The following BSN variants were observed in gnomAD, a reference collection of about 807,000 sequenced individuals.
BSN encodes bassoon presynaptic cytomatrix protein.
In BSN, 57 loss-of-function variants were observed where a neutral mutation model predicts 264.8. The ratio of observed to expected loss-of-function variants is 0.22; its 90% confidence interval spans 0.17 to 0.27. BSN has a LOEUF of 0.27. Ranked by LOEUF, BSN falls within the 10% of genes least tolerant of loss-of-function variation. The pLI is 1.00. For missense variants in BSN, 4,615 were observed against 5,232.5 expected (o/e 0.88, Z 3.64); for synonymous variants, 2,059 against 2,137.3 (o/e 0.96, Z 1.01).
intron 1 of BSN, among the ~76,000 whole-genome samples, chr3:49,587,932 T>TTTTCTTTTCTTTTCTTTTCTTTTC (rs2051949331): frequency 2.4e-4 from 2 of 8,386 alleles, no homozygotes; most frequent in Admixed American, 2.4e-3. Flanking sequence ...CTTTTCTTTT[T>TTTTCTTTTCTTTTCTTTTCTTTTC]TTTTTTGAGA....
At chr3:49,644,611 A>G (rs1367744206) in intron 3 of BSN, among the ~76,000 whole-genome samples, 41 of 152,110 alleles carry the variant, frequency 2.7e-4, no homozygotes, top group Admixed American at 2.7e-3. Context: ...GGGGTGCACC[A>G]GGGTGTCACC....
chr3:49,568,197 C>T (rs1002370319), intron 1 of BSN, among the ~76,000 whole-genome samples: 5 of 152,140 alleles, frequency 3.3e-5, no homozygotes, highest in African/African-American at 1.2e-4. Context: ...CTTGCTGAGA[C>T]CATTTTTGGA....
chr3:49,587,835 T>C (rs1337182552), intron 1 of BSN, among the ~76,000 whole-genome samples: 1 of 152,052 alleles, frequency 6.6e-6, no homozygotes, highest in African/African-American at 2.4e-5. Context: ...TCATCTGCCA[T>C]GCAAAAGGAG....
chr3:49,608,567 C>T (rs112843883), intron 1 of BSN, among the ~76,000 whole-genome samples: 4,420 of 152,250 alleles, frequency 0.029, 107 homozygotes, highest in Non-Finnish European at 0.041. Flanking sequence ...TGGTGGCTCA[C>T]GCCTATAATC....
At chr3:49,592,974 G>A (rs903543574) in intron 1 of BSN, among the ~76,000 whole-genome samples, 1 of 152,124 alleles carries the variant, frequency 6.6e-6, no homozygotes, top group Non-Finnish European at 1.5e-5. Flanking sequence ...TATGACCACA[G>A]TCAAGATACT....
chr3:49,611,055 T>C (rs1174041199), intron 1 of BSN, among the ~76,000 whole-genome samples: 2 of 152,184 alleles, frequency 1.3e-5, no homozygotes, highest in Non-Finnish European at 2.9e-5. Flanking sequence ...CTCATCAGTA[T>C]TGGGTCTGAT....
rs765410583 is a variant in BSN, at chr3:49,651,637, A to G, written c.2081A>G (p.Gln694Arg). 3 of 1,614,028 alleles carry G rather than the reference A, an allele frequency of 1.9e-6. No homozygotes were observed. The highest frequency in any genetic ancestry group is 4.5e-5 in the East Asian group (2 of 44,896). Residue 694 changes from glutamine to arginine, a missense_variant, in exon 5 of 12, where the codon CAG (glutamine) becomes CGG (arginine). Gln to Arg is a conservative substitution (Grantham distance 43). This residue lies in a region of BSN where 1,197 missense variants were observed against 1,348.0 expected (regional missense o/e 0.89). Transcript: ENST00000296452. This position sits in a 1 kb window ranked among gnomAD's most constrained non-coding sequence, Gnocchi z 5.4. ...GYSSDGISSS[Q>R]SEITGVVQQE... Reference sequence around the variant, plus strand: ...TCCTCTGACGGCATCTCTAGCTCCCAGAGTGAGATCACAGGAGTCGTGCAG... The same window carrying G: ...TCCTCTGACGGCATCTCTAGCTCCCGGAGTGAGATCACAGGAGTCGTGCAG...
rs1379914958 is a variant in BSN at position 49,585,117 on chromosome 3, C to T, written c.224+30291C>T. Among the ~76,000 whole-genome samples the T allele has an allele frequency of 6.6e-6, 1 of 152,084 alleles. No homozygotes were observed. The highest frequency in any genetic ancestry group is 1.5e-5 in the Non-Finnish European group (1 of 68,032). ...GACAAACTCAGGAGTGCAGATATCTCTTCAATATATTGATTTCCTTTCTTT... is the reference window on the plus strand; with the variant it reads ...GACAAACTCAGGAGTGCAGATATCTTTTCAATATATTGATTTCCTTTCTTT... On this transcript the variant is annotated intron_variant, in intron 1 of 11. Coordinates refer to ENST00000296452, the MANE Select transcript of BSN (RefSeq NM_003458.4). The surrounding 1 kb of genome is among the most constrained non-coding windows in gnomAD (Gnocchi z 4.7).
At chr3:49,621,512 A>G (rs937312353) in intron 1 of BSN, among the ~76,000 whole-genome samples, 1 of 152,190 alleles carries the variant, frequency 6.6e-6, no homozygotes, top group African/African-American at 2.4e-5. Flanking sequence ...TATTTCAGGA[A>G]GAAGGGAGTG....
chr3:49,655,226 C>T lies in BSN; in HGVS notation c.5670C>T (p.Thr1890=), dbSNP rs200205003. Reference sequence around the variant, plus strand: ...AGCCTGCGGGTGCCCTGGACCTTACCGGGATGAGGCCTGAGAGCCAGCTGG... The same window carrying T: ...AGCCTGCGGGTGCCCTGGACCTTACTGGGATGAGGCCTGAGAGCCAGCTGG... ...PEEPAGALDL[T]GMRPESQLAC... Residue 1890 remains threonine (T), a synonymous_variant, in exon 5 of 12, where the codon ACC becomes ACT. Coordinates refer to ENST00000296452, the MANE Select transcript of BSN (RefSeq NM_003458.4). The T allele has an allele frequency of 4.5e-5, 73 of 1,612,940 alleles. No individual in the cohort carries two copies. The highest frequency in any genetic ancestry group is 1.5e-4 in the South Asian group (14 of 91,090).
intron 1 of BSN, among the ~76,000 whole-genome samples, chr3:49,602,597 C>T (rs768819355): frequency 3.3e-5 from 5 of 152,050 alleles, no homozygotes; most frequent in Non-Finnish European, 7.4e-5. Flanking sequence ...AGGCACACAC[C>T]ACCACGCCCA....
chr3:49,619,226 A>C (rs947580846), intron 1 of BSN, among the ~76,000 whole-genome samples: 1 of 152,236 alleles, frequency 6.6e-6, no homozygotes, highest in Non-Finnish European at 1.5e-5. Flanking sequence ...AGCTCATTCT[A>C]CTGTTCACAC....
Position 49,590,564 on chromosome 3 carries a change from C to A in BSN, c.225-34411C>A, listed in dbSNP as rs74744006. Among the ~76,000 whole-genome samples the A allele has an allele frequency of 4.3e-3, 656 of 152,026 alleles. 7 individuals are homozygous for A. Among genetic ancestry groups the A allele is most frequent in the African/African-American group, 0.015 (623 of 41,482 alleles). ...TGCCTAGTGGTTGCTTTAGGGCTTA[C>A]AATACACATCTTAATTTATCACAAT... On this transcript the variant is annotated intron_variant, in intron 1 of 11. Transcript: ENST00000296452.
chr3:49,615,651 C>G (rs1559605998), intron 1 of BSN, among the ~76,000 whole-genome samples: 1 of 152,222 alleles, frequency 6.6e-6, no homozygotes, highest in Admixed American at 6.5e-5. Flanking sequence ...ATCACAGGCT[C>G]TTTCTGTGGC....
At chr3:49,603,872 A>G (rs927289278) in intron 1 of BSN, among the ~76,000 whole-genome samples, 1 of 151,892 alleles carries the variant, frequency 6.6e-6, no homozygotes, top group African/African-American at 2.4e-5. Flanking sequence ...TCTAACCACT[A>G]GTCTGCTTTC....
intron 2 of BSN, among the ~76,000 whole-genome samples, chr3:49,636,618 GTTCA>G (rs1285643379): frequency 6.6e-6 from 1 of 152,204 alleles, no homozygotes; most frequent in East Asian, 1.9e-4. Context: ...GTGCGATTAG[GTTCA>G]GCCTCCACTC....
chr3:49,587,548 T>C (rs1050731766), intron 1 of BSN, among the ~76,000 whole-genome samples: 10 of 152,176 alleles, frequency 6.6e-5, no homozygotes, highest in Admixed American at 2.6e-4. Context: ...AAGCATAGAT[T>C]TATTGAAATG....
At position 49,651,921 on chromosome 3, in the gene BSN, G is replaced by A. The variant is rs2052544595; in HGVS notation, c.2365G>A (p.Glu789Lys). The change falls in exon 5 of 12, where the codon GAG (glutamate) becomes AAG (lysine). Residue 789 changes from glutamate to lysine, a missense_variant. Around this residue, in one of 3 missense-constraint regions of BSN, gnomAD observed 1,197 missense variants for 1,348.0 expected, o/e 0.89. Transcript: ENST00000296452. This position sits in a 1 kb window ranked among gnomAD's most constrained non-coding sequence, Gnocchi z 5.4. Reference sequence around the variant, plus strand: ...CCTGGAGGAAGACGAAGACTCTGCTGAGTGGAGGCGCCGGAGAGAGCAGCA... The same window carrying A: ...CCTGGAGGAAGACGAAGACTCTGCTAAGTGGAGGCGCCGGAGAGAGCAGCA... The part of the protein sequence containing the change: ...DILEEDEDSA[E>K]WRRRREQQDT... The A allele has an allele frequency of 6.2e-7, 1 of 1,613,826 alleles. No homozygotes were observed. The highest frequency in any genetic ancestry group is 1.7e-5 in the Admixed American group (1 of 60,022).
chr3:49,566,788 G>GA (rs36043715), intron 1 of BSN, among the ~76,000 whole-genome samples: 175 of 85,982 alleles, frequency 2.0e-3, no homozygotes, highest in Middle Eastern at 8.3e-3. Flanking sequence ...TGTGTTTCAG[G>GA]AAAAAAAAAA....
Sources: gnomAD v4.1 joint callset for allele counts (sites outside exome capture counted in the v4.1 genomes callset) on GRCh38, gnomAD v4.1.1 for gene constraint, gnomAD v4.1.1 regional missense constraint, Gnocchi (gnomAD v3.1) non-coding constraint, MANE v1.5 for transcripts, NCBI Gene and HGNC (gene_info 2026-07-23, HGNC 2026-07-21) for gene names.